The following RPS23 variants were observed in gnomAD, a reference collection of about 807,000 sequenced individuals.
The protein encoded by RPS23 is ribosomal protein S23.
For missense variants in RPS23, 73 were observed against 174.5 expected (o/e 0.42, Z 3.28); for synonymous variants, 66 against 60.4 (o/e 1.09, Z -0.43).
At chr5:82,276,343 A>C in intron 3 of RPS23, 55 bp downstream of exon 3, 2 of 1,613,072 alleles carry the variant, frequency 1.2e-6, no homozygotes, top group South Asian at 2.2e-5. Context: ...ATCAGATAAA[A>C]ATGTGAGGGA....
chr5:82,273,669 CTTGT>C lies in RPS23; in HGVS notation c.*2436_*2439del, dbSNP rs887966395. On this transcript the variant is annotated 3_prime_UTR_variant, in exon 4 of 4. Transcript: ENST00000296674. ...GGCTGCCTGTCTTTGATTTCACTTCCTTGTTTTTTTCTTAAAACAGGTACTGAGT... is the reference window on the plus strand; with the variant it reads ...GGCTGCCTGTCTTTGATTTCACTTCCTTTTTTCTTAAAACAGGTACTGAGT... 37 of 151,786 alleles carry C rather than the reference CTTGT, an allele frequency of 2.4e-4. No homozygotes were observed. Among genetic ancestry groups the C allele is most frequent in the Middle Eastern group, 3.4e-3 (1 of 294 alleles). 9.4% of individuals were successfully genotyped at this position (151,786 alleles called of 1,614,324 possible).
chr5:82,275,600 T>G lies in RPS23; in HGVS notation c.*509A>C. ...TGACACCTTTAAATAATAAACAGAG[T>G]GGGGAGCAATTTTGAGTTTACTATT... On this transcript the variant is annotated 3_prime_UTR_variant, in exon 4 of 4. Coordinates refer to ENST00000296674, the MANE Select transcript of RPS23 (RefSeq NM_001025.5). 1 of 385,344 alleles carries G rather than the reference T, an allele frequency of 2.6e-6. No individual in the cohort carries two copies. Among genetic ancestry groups the G allele is most frequent in the Non-Finnish European group, 4.6e-6 (1 of 216,248 alleles). The allele number at this position is 385,344 out of a possible 1,614,324, so 23.9% of individuals were successfully genotyped here. A position where few individuals can be genotyped will look rare whatever the true frequency, so the allele number is the denominator to read the frequency against.
At chr5:82,278,294 C>G (rs1049201654) in intron 1 of RPS23, 26 bp downstream of exon 1, 2 of 1,608,422 alleles carry the variant, frequency 1.2e-6, no homozygotes. Flanking sequence ...GCTTGCAGCG[C>G]CCTTAAACCG....
rs1366943359 is a variant in RPS23 at position 82,274,596 on chromosome 5, T to G, written c.*1513A>C. 2.0e-5 allele frequency: 3 copies of G among 152,680 alleles called. No homozygotes were observed. The highest frequency in any genetic ancestry group is 4.4e-5 in the Non-Finnish European group (3 of 68,396). 9.5% of individuals were successfully genotyped at this position (152,680 alleles called of 1,614,324 possible). A position where few individuals can be genotyped will look rare whatever the true frequency, so the allele number is the denominator to read the frequency against. On this transcript the variant is annotated 3_prime_UTR_variant, in exon 4 of 4. Transcript: ENST00000296674. ...AAGGGCCCCACCGCCCGGGGAGAGC[T>G]GCCCACCCCGCGCCTGACGCCCAGG...
In RPS23 at chr5:82,275,226, TTC is replaced by T. The variant is rs771838695; in HGVS notation, c.*881_*882del. On this transcript the variant is annotated 3_prime_UTR_variant, in exon 4 of 4. Coordinates refer to ENST00000296674, the MANE Select transcript of RPS23 (RefSeq NM_001025.5). Reference sequence around the variant, plus strand: ...ATACTTACTATTTGTTAACAGGAGTTTCTTACATCAGATTTAAAGCAGAAGGC... The same window carrying T: ...ATACTTACTATTTGTTAACAGGAGTTTTACATCAGATTTAAAGCAGAAGGC... The T allele has an allele frequency of 2.8e-6, 2 of 702,600 alleles. No homozygotes were observed. The highest frequency in any genetic ancestry group is 3.0e-5 in the South Asian group (2 of 67,608). The allele number at this position is 702,600 out of a possible 1,614,324, so 43.5% of individuals were successfully genotyped here.
intron 2 of RPS23, chr5:82,276,845 C>CAAAA (rs374894611): frequency 0.5 from 67,158 of 134,114 alleles, 18,657 homozygotes; most frequent in East Asian, 0.84. Flanking sequence ...GACCCTATCT[C>CAAAA]AAAAAAAAAA....
In RPS23 at chr5:82,276,015, AAC is replaced by A. The variant is rs1405172105; in HGVS notation, c.*92_*93del. The A allele has an allele frequency of 8.1e-6, 10 of 1,228,056 alleles. No homozygotes were observed. The African/African-American group carries it at 1.2e-4, about 15-fold the overall frequency. The allele number at this position is 1,228,056 out of a possible 1,614,324, so 76.1% of individuals were successfully genotyped here. On this transcript the variant is annotated 3_prime_UTR_variant, in exon 4 of 4. Transcript: ENST00000296674. The stretch of plus-strand genomic sequence containing the variant: ...ATAAGGGGGGGTGGTGGTGGTAATG[AAC>A]ATGATCTTCGTGGTGAGAACAGGGG...
Position 82,274,120 on chromosome 5 carries a change from C to T in RPS23, c.*1989G>A, listed in dbSNP as rs1306990009. ...GTCTTTGACAAATGGAAGTCCACAACATTTATTGAAACTCTTCTTCCTCCA... is the reference window on the plus strand; with the variant it reads ...GTCTTTGACAAATGGAAGTCCACAATATTTATTGAAACTCTTCTTCCTCCA... On this transcript the variant is annotated 3_prime_UTR_variant, in exon 4 of 4. Transcript: ENST00000296674. 1 of 152,182 alleles carries T rather than the reference C, an allele frequency of 6.6e-6. No individual in the cohort carries two copies. The highest frequency in any genetic ancestry group is 1.5e-5 in the Non-Finnish European group (1 of 68,034). 9.4% of individuals were successfully genotyped at this position (152,182 alleles called of 1,614,324 possible). A position where few individuals can be genotyped will look rare whatever the true frequency, so the allele number is the denominator to read the frequency against.
chr5:82,277,627 G>C (rs1398321372), intron 2 of RPS23, 66 bp downstream of exon 2: 1 of 1,499,434 alleles, frequency 6.7e-7, no homozygotes, highest in African/African-American at 1.4e-5. Context: ...TTCAAAACAA[G>C]AATTCGTAAG....
chr5:82,277,137 C>G (rs762981907), intron 2 of RPS23, among the ~76,000 whole-genome samples: 7 of 127,024 alleles, frequency 5.5e-5, no homozygotes, highest in Non-Finnish European at 1.1e-4. Context: ...GGGAGTCTTG[C>G]GCTACTGCAC....
In RPS23 at chr5:82,275,381, C is replaced by T. The variant is rs998784111; in HGVS notation, c.*728G>A. 5.7e-6 allele frequency: 4 copies of T among 696,580 alleles called. No individual in the cohort carries two copies. Among genetic ancestry groups the T allele is most frequent in the Non-Finnish European group, 1.0e-5 (4 of 381,546 alleles). 43.1% of individuals were successfully genotyped at this position (696,580 alleles called of 1,614,324 possible). A position where few individuals can be genotyped will look rare whatever the true frequency, so the allele number is the denominator to read the frequency against. ...CAAAACACAACCAATCTTGTCTCTACACTAAACCACTTCATTTGCTGACTA... is the reference window on the plus strand; with the variant it reads ...CAAAACACAACCAATCTTGTCTCTATACTAAACCACTTCATTTGCTGACTA... On this transcript the variant is annotated 3_prime_UTR_variant, in exon 4 of 4. Transcript: ENST00000296674.
intron 2 of RPS23, 142 bp from the exon 3 acceptor site, chr5:82,276,660 C>A: frequency 1.0e-6 from 1 of 986,412 alleles, no homozygotes; most frequent in Non-Finnish European, 1.5e-6. Context: ...GTGATGTCAA[C>A]CTAGTTTTCT....
intron 1 of RPS23, 49 bp downstream of exon 1, chr5:82,278,271 G>A (rs763551422): frequency 1.3e-6 from 2 of 1,503,612 alleles, no homozygotes; most frequent in Non-Finnish European, 1.8e-6. Context: ...CCGTCCCCAA[G>A]ACCCCAAGTC....
intron 1 of RPS23, 78 bp downstream of exon 1, chr5:82,278,242 T>A: frequency 1.3e-5 from 10 of 796,308 alleles, no homozygotes; most frequent in Non-Finnish European, 1.9e-5. Flanking sequence ...CCCGCCCTAC[T>A]CTATTCGCAT....
rs1287910396 is a variant in RPS23, at chr5:82,276,537, A to G, written c.165-19T>C. The G allele has an allele frequency of 1.2e-6, 2 of 1,613,010 alleles. No homozygotes were observed. The highest frequency in any genetic ancestry group is 1.1e-5 in the South Asian group (1 of 91,050). ...AACTCCTCTGAAATACAAAAGGCAC[A>G]GCACTGTGAGCTGGCTTTCTGAAAA... On this transcript the variant is annotated intron_variant, in intron 2 of 3. Coordinates refer to ENST00000296674, the MANE Select transcript of RPS23 (RefSeq NM_001025.5).
In RPS23 at chr5:82,276,540, A is replaced by C. The variant is rs78201700; in HGVS notation, c.165-22T>G. 5,980 of 1,613,020 alleles carry C rather than the reference A, an allele frequency of 3.7e-3. 215 individuals are homozygous for C. In the African/African-American group the frequency reaches 0.07, roughly 19 times the overall value. On this transcript the variant is annotated intron_variant, in intron 2 of 3. Transcript: ENST00000296674. ...TCCTCTGAAATACAAAAGGCACAGC[A>C]CTGTGAGCTGGCTTTCTGAAAAAGA...
Position 82,275,673 on chromosome 5 carries a change from A to T in RPS23, c.*436T>A, listed in dbSNP as rs115908700. 2,602 of 259,292 alleles carry T rather than the reference A, an allele frequency of 0.01. 18 individuals are homozygous for T. Among genetic ancestry groups the T allele is most frequent in the Non-Finnish European group, 0.014 (1,900 of 138,062 alleles). The allele number at this position is 259,292 out of a possible 1,614,324, so 16.1% of individuals were successfully genotyped here. On this transcript the variant is annotated 3_prime_UTR_variant, in exon 4 of 4. Coordinates refer to ENST00000296674, the MANE Select transcript of RPS23 (RefSeq NM_001025.5). ...ATGGATACAAGAATGTGCATTTCCA[A>T]GGGTACCTAAGATAATCTATGTGCA... is the stretch of plus-strand genomic sequence containing the variant.
Position 82,277,547 on chromosome 5 carries a change from G to T in RPS23, c.164+146C>A, listed in dbSNP as rs146177646. On this transcript the variant is annotated intron_variant, in intron 2 of 3. Transcript: ENST00000296674. Reference sequence around the variant, plus strand: ...AACTAATTTTACCAACTTTTAAATAGAACAAACGCTTTGCAATTTTACCCC... The same window carrying T: ...AACTAATTTTACCAACTTTTAAATATAACAAACGCTTTGCAATTTTACCCC... The T allele has an allele frequency of 1.2e-3, 988 of 832,024 alleles. 4 individuals are homozygous for T. In the African/African-American group the frequency reaches 0.015, roughly 12 times the overall value. The allele number at this position is 832,024 out of a possible 1,614,324, so 51.5% of individuals were successfully genotyped here.
At chr5:82,277,367 C>G (rs1747883614) in intron 2 of RPS23, 1 of 353,688 alleles carries the variant, frequency 2.8e-6, no homozygotes, top group East Asian at 7.6e-5. Flanking sequence ...TTAGTTTTAT[C>G]AAGTCGATAA....
Sources: allele counts gnomAD v4.1 joint callset (sites outside exome capture counted in the v4.1 genomes callset), GRCh38; gene constraint gnomAD v4.1.1; transcripts MANE v1.5; gene names NCBI Gene and HGNC (gene_info 2026-07-23, HGNC 2026-07-21).